Variants in FOLH1 observed in about 807,000 individuals in gnomAD.
The protein encoded by FOLH1 is glutamate carboxypeptidase 2.
FOLH1 carries 54 observed loss-of-function variants against 93.9 expected under a neutral mutation model. The ratio of observed to expected loss-of-function variants is 0.57; its 90% CI spans 0.46 to 0.72. The LOEUF (loss-of-function observed/expected upper bound fraction) is 0.72, where lower values mean the gene tolerates loss of function less well. FOLH1 is among the 30% of genes least tolerant of loss of function. The probability of loss-of-function intolerance (pLI) is 0.00; values close to 1 mark genes in which losing one functional copy is unlikely to be tolerated. For missense variants in FOLH1, 571 were observed against 892.5 expected, an observed-to-expected ratio of 0.64 and a Z score of 4.59; for synonymous variants, 249 against 303.6, an observed-to-expected ratio of 0.82 and a Z score of 1.87.
intron 17 of FOLH1, among the ~76,000 whole-genome samples, chr11:49,152,644 T>C (rs1162930185): frequency 6.6e-6 from 1 of 152,172 alleles, no homozygotes; most frequent in Non-Finnish European, 1.5e-5. Context: ...TTTTGGACTG[T>C]TTAAATTAAT....
At chr11:49,147,046 T>C (rs1855850233) in intron 18 of FOLH1, 101 bp from the exon 19 acceptor site, 1 of 1,194,818 alleles carries the variant, frequency 8.4e-7, no homozygotes, top group Non-Finnish European at 1.2e-6. Context: ...CCTATAACAA[T>C]TTGAACAAGC....
intron 5 of FOLH1, 49 bp from the exon 6 acceptor site, chr11:49,185,904 G>C: frequency 1.3e-6 from 2 of 1,497,916 alleles, no homozygotes; most frequent in Non-Finnish European, 8.9e-7. Flanking sequence ...GGTTGTTCCA[G>C]ATTCGGTAAT....
intron 17 of FOLH1, among the ~76,000 whole-genome samples, chr11:49,150,943 A>G (rs1856446531): frequency 6.6e-6 from 1 of 152,220 alleles, no homozygotes; most frequent in South Asian, 2.1e-4. Context: ...CTATGTGCCA[A>G]TTACTGTTCT....
chr11:49,171,535 T>A (rs556333484), intron 10 of FOLH1, among the ~76,000 whole-genome samples: 28 of 152,232 alleles, frequency 1.8e-4, no homozygotes, highest in African/African-American at 6.5e-4. Flanking sequence ...CTAATAGGTT[T>A]ATAATGATTC....
intron 13 of FOLH1, among the ~76,000 whole-genome samples, chr11:49,161,390 T>C (rs1314323999): frequency 6.6e-6 from 1 of 152,180 alleles, no homozygotes; most frequent in African/African-American, 2.4e-5. Context: ...TGCCCTTCTT[T>C]GTCTTTTTTT....
chr11:49,148,918 C>T (rs1856101805), intron 17 of FOLH1, among the ~76,000 whole-genome samples, 187 bp from the exon 18 acceptor site: 2 of 152,166 alleles, frequency 1.3e-5, no homozygotes, highest in African/African-American at 2.4e-5. Context: ...GTCGGCCCTC[C>T]TCCTTTGTGG....
At position 49,181,139 on chromosome 11, in the gene FOLH1, A is replaced by T. The variant is rs550210005; in HGVS notation, c.920+2010T>A. On this transcript the variant is annotated intron_variant, in intron 7 of 18. Coordinates refer to ENST00000256999, the MANE Select transcript of FOLH1 (RefSeq NM_004476.3). ...TTTTTTTTTTTTGAGACGGAGTCTC[A>T]CTCTGTCGCCCAGGCTAGAATGCAG... Among the ~76,000 whole-genome samples the T allele has an allele frequency of 3.5e-5, 5 of 143,946 alleles. No individual in the cohort carries two copies. In the East Asian group the frequency reaches 1.0e-3, roughly 29 times the overall value. 94.4% of individuals were successfully genotyped at this position (143,946 alleles called of 152,430 possible).
chr11:49,157,823 T>C (rs991638502), intron 14 of FOLH1, 129 bp downstream of exon 14: 2 of 808,390 alleles, frequency 2.5e-6, no homozygotes, highest in East Asian at 2.8e-5. Flanking sequence ...ACCAAAGTAA[T>C]GCTTTTCTTT....
chr11:49,155,078 T>G (rs1336535223), intron 15 of FOLH1, among the ~76,000 whole-genome samples: 1 of 152,064 alleles, frequency 6.6e-6, no homozygotes, highest in Non-Finnish European at 1.5e-5. Flanking sequence ...GAAGGACTTT[T>G]CAAACTGTGA....
chr11:49,168,754 A>G (rs1858792788), intron 12 of FOLH1, among the ~76,000 whole-genome samples: 1 of 152,178 alleles, frequency 6.6e-6, no homozygotes, highest in African/African-American at 2.4e-5. Flanking sequence ...TACAGGCGTG[A>G]GCCACCGCAC....
chr11:49,151,100 TA>T (rs1372677482), intron 17 of FOLH1, among the ~76,000 whole-genome samples: 6 of 152,186 alleles, frequency 3.9e-5, no homozygotes, highest in Non-Finnish European at 5.9e-5. Context: ...TAGAGTGAAA[TA>T]GGAGATTGAT....
intron 10 of FOLH1, among the ~76,000 whole-genome samples, chr11:49,171,748 A>G (rs554507188): frequency 7.2e-5 from 11 of 152,216 alleles, no homozygotes; most frequent in African/African-American, 2.4e-4. Context: ...GAATTAATCA[A>G]CAAGGGCTCA....
At chr11:49,198,050 T>G (rs1328647983) in intron 3 of FOLH1, among the ~76,000 whole-genome samples, 2 of 152,066 alleles carry the variant, frequency 1.3e-5, no homozygotes, top group African/African-American at 4.8e-5. Context: ...AAGTGAAACT[T>G]TTACATGATT....
At chr11:49,152,726 A>G (rs1856622034) in intron 17 of FOLH1, among the ~76,000 whole-genome samples, 1 of 152,072 alleles carries the variant, frequency 6.6e-6, no homozygotes, top group South Asian at 2.1e-4. Context: ...CAACTTTCTT[A>G]ATTTTTCTTG....
chr11:49,186,671 T>C lies in FOLH1; in HGVS notation c.612A>G (p.Arg204=), dbSNP rs548891620. Residue 204 remains arginine, a synonymous_variant, in exon 5 of 19, where the codon AGA becomes AGG. Transcript: ENST00000256999. ...TATTTCCTCTGAAAACTTTCCCATA[T>C]CTGGCAATTACAATTTTCCCAGAGC... is the stretch of plus-strand genomic sequence containing the variant. ...INCSGKIVIA[R]YGKVFRGNKV... The C allele has an allele frequency of 6.2e-7, 1 of 1,613,326 alleles. No homozygotes were observed. Among genetic ancestry groups the C allele is most frequent in the Non-Finnish European group, 8.5e-7 (1 of 1,179,610 alleles).
At chr11:49,198,883 G>A (rs1262391894) in intron 3 of FOLH1, among the ~76,000 whole-genome samples, 1 of 151,182 alleles carries the variant, frequency 6.6e-6, no homozygotes, top group Non-Finnish European at 1.5e-5. Flanking sequence ...AAGTAGCTGA[G>A]ATTAGGGGAA....
rs1855791021 is a variant in FOLH1, at chr11:49,146,548, A to G, written c.*208T>C. 2.1e-6 allele frequency: 1 copy of G among 473,142 alleles called. No homozygotes were observed. The highest frequency in any genetic ancestry group is 2.0e-5 in the African/African-American group (1 of 49,466). 29.3% of individuals were successfully genotyped at this position (473,142 alleles called of 1,614,324 possible). A position where few individuals can be genotyped will look rare whatever the true frequency, so the allele number is the denominator to read the frequency against. On this transcript the variant is annotated 3_prime_UTR_variant, in exon 19 of 19. Coordinates refer to ENST00000256999, the MANE Select transcript of FOLH1 (RefSeq NM_004476.3). Reference sequence around the variant, plus strand: ...GAGTTAAATTTTTCCACTTCAGAATAACCTCTTATAATTATGAAATTCAGT... The same window carrying G: ...GAGTTAAATTTTTCCACTTCAGAATGACCTCTTATAATTATGAAATTCAGT...
intron 10 of FOLH1, 143 bp downstream of exon 10, chr11:49,173,214 T>C (rs1859576551): frequency 6.2e-6 from 5 of 807,528 alleles, no homozygotes; most frequent in African/African-American, 3.5e-5. Flanking sequence ...AACAATATAA[T>C]TAACCAACCA....
At chr11:49,193,923 C>T (rs555194506) in intron 3 of FOLH1, among the ~76,000 whole-genome samples, 193 of 151,916 alleles carry the variant, frequency 1.3e-3, no homozygotes, top group African/African-American at 4.5e-3. Context: ...ACTTTGGGAG[C>T]CCAAGGTGGG....
Sources: gnomAD v4.1 joint callset for allele counts (sites outside exome capture counted in the v4.1 genomes callset) on GRCh38, gnomAD v4.1.1 for gene constraint, MANE v1.5 for transcripts, NCBI Gene and HGNC (gene_info 2026-07-23, HGNC 2026-07-21) for gene names.